ABCA3: variants seen among roughly 807,000 people sequenced by gnomAD.
The protein encoded by ABCA3 is phospholipid-transporting ATPase ABCA3.
A neutral mutation model predicts 172.8 loss-of-function variants in ABCA3; 88 were observed. The observed-to-expected ratio is 0.51, with a 90% CI of 0.43 to 0.61. The LOEUF is 0.61. ABCA3 is among the 20% of genes least tolerant of loss of function. ABCA3 has a pLI of 0.00. For missense variants in ABCA3, 2,164 were observed against 2,301.0 expected, an observed-to-expected ratio of 0.94 and a Z score of 1.22; for synonymous variants, 1,066 against 983.8, an observed-to-expected ratio of 1.08 and a Z score of -1.56.
At chr16:2,310,770 C>T (rs1018512539) in intron 10 of ABCA3, among the ~76,000 whole-genome samples, 7 of 152,108 alleles carry the variant, frequency 4.6e-5, no homozygotes, top group African/African-American at 1.7e-4. Context: ...ATCTGCCCAC[C>T]TTGGCCTCCC....
rs78857848 is a variant in ABCA3, at chr16:2,285,701, G to A, written c.3279-55C>T. 7 of 1,536,644 alleles carry A rather than the reference G, an allele frequency of 4.6e-6. No individual in the cohort carries two copies. Among genetic ancestry groups the A allele is most frequent in the East Asian group, 4.9e-5 (2 of 40,852 alleles). The stretch of plus-strand genomic sequence containing the variant: ...AGCACAGCACGTCTGGGTGGCAGGA[G>A]AGGTCGGGTTCTCGGTTATGACCGC... On this transcript the variant is annotated intron_variant, in intron 22 of 32. Coordinates refer to ENST00000301732, the MANE Select transcript of ABCA3 (RefSeq NM_001089.3). The surrounding 1 kb of genome is among the most constrained non-coding windows in gnomAD (Gnocchi z 4.7).
At chr16:2,332,171 T>C in intron 1 of ABCA3, 1 of 344,568 alleles carries the variant, frequency 2.9e-6, no homozygotes, top group Non-Finnish European at 5.3e-6. Flanking sequence ...TAACAAGCGC[T>C]GTGGCTCTTC....
In ABCA3 at chr16:2,281,280, C is replaced by T. The variant is rs1193637516; in HGVS notation, c.4165-59G>A. The T allele has an allele frequency of 1.2e-6, 2 of 1,613,018 alleles. No individual in the cohort carries two copies. Among genetic ancestry groups the T allele is most frequent in the African/African-American group, 1.3e-5 (1 of 74,912 alleles). On this transcript the variant is annotated intron_variant, in intron 27 of 32. Transcript: ENST00000301732. The surrounding 1 kb of genome is among the most constrained non-coding windows in gnomAD (Gnocchi z 4.7). ...AGGCCTGGACGCAAAGCAGAGCAGT[C>T]TGAGCCTCAGCGCCGAAAGCTTCCA... is the stretch of plus-strand genomic sequence containing the variant.
intron 15 of ABCA3, 116 bp from the exon 16 acceptor site, chr16:2,298,037 C>T: frequency 9.8e-7 from 1 of 1,025,560 alleles, no homozygotes; most frequent in Non-Finnish European, 1.4e-6. Context: ...ATGCAGGGCT[C>T]CTGGCGGGAG....
At chr16:2,331,948 C>A (rs1208512147) in intron 1 of ABCA3, among the ~76,000 whole-genome samples, 1 of 152,196 alleles carries the variant, frequency 6.6e-6, no homozygotes, top group East Asian at 1.9e-4. Flanking sequence ...TTTCCCCTCT[C>A]TATAAAAGGT....
intron 9 of ABCA3, 111 bp downstream of exon 9, chr16:2,317,537 G>C (rs1425885826): frequency 6.3e-7 from 1 of 1,581,098 alleles, no homozygotes; most frequent in African/African-American, 1.4e-5. Context: ...TCCCCCATGA[G>C]GGACAGACTC....
intron 8 of ABCA3, among the ~76,000 whole-genome samples, chr16:2,318,229 C>A (rs1194590568): frequency 6.6e-6 from 1 of 152,160 alleles, no homozygotes; most frequent in Non-Finnish European, 1.5e-5. Flanking sequence ...TTCCCTCAAC[C>A]TCCCCTACTC....
intron 10 of ABCA3, 22 bp downstream of exon 10, chr16:2,317,261 C>A (rs1245354141): frequency 6.2e-7 from 1 of 1,613,658 alleles, no homozygotes; most frequent in Non-Finnish European, 8.5e-7. Flanking sequence ...CAACCCCACT[C>A]TGCCCCATGA....
At chr16:2,300,260 G>C in intron 12 of ABCA3, 112 bp from the exon 13 acceptor site, 2 of 1,482,264 alleles carry the variant, frequency 1.3e-6, no homozygotes, top group Non-Finnish European at 9.3e-7. Flanking sequence ...AGGACTTCGA[G>C]GCACTGCTGT....
chr16:2,276,378 C>G lies in ABCA3; in HGVS notation c.*296G>C. 1.8e-6 allele frequency: 1 copy of G among 548,602 alleles called. No homozygotes were observed. Among genetic ancestry groups the G allele is most frequent in the South Asian group, 1.5e-5 (1 of 65,392 alleles). 34.0% of individuals were successfully genotyped at this position (548,602 alleles called of 1,614,324 possible). On this transcript the variant is annotated 3_prime_UTR_variant, in exon 33 of 33. Transcript: ENST00000301732. ...AACCCCCAGCTCAGCTGCAGCCCTT[C>G]CTGGGTCAGCTCTCCACCCAGAGAC...
rs535127001 is a variant in ABCA3 at position 2,309,670 on chromosome 16, TAC to T, written c.1112-1049_1112-1048del. ...TCCCCCTCTGTCACCTAGGCTGGAGTACAGTGGTGCCATCATGGCTCACTGCA... is the reference window on the plus strand; with the variant it reads ...TCCCCCTCTGTCACCTAGGCTGGAGTAGTGGTGCCATCATGGCTCACTGCA... On this transcript the variant is annotated intron_variant, in intron 10 of 32. Coordinates refer to ENST00000301732, the MANE Select transcript of ABCA3 (RefSeq NM_001089.3). Among the ~76,000 whole-genome samples the T allele has an allele frequency of 1.4e-4, 22 of 152,248 alleles. No homozygotes were observed. In the East Asian group the frequency reaches 4.0e-3, roughly 28 times the overall value.
chr16:2,324,436 A>AG lies in ABCA3; in HGVS notation c.414dup (p.Phe139LeufsTer62). 1 of 1,606,022 alleles carries AG rather than the reference A, an allele frequency of 6.2e-7. No homozygotes were observed. The highest frequency in any genetic ancestry group is 8.5e-7 in the Non-Finnish European group (1 of 1,179,034). On this transcript the variant is annotated frameshift_variant, in exon 6 of 33. Transcript: ENST00000301732. LOFTEE classifies it high-confidence loss of function. ...GGCAGGGGCTCCTTGCTGTGGTTGA[A>AG]GGGGTGCTCGAAGACCACGGCGGCC...
chr16:2,309,966 T>C (rs1410700373), intron 10 of ABCA3, among the ~76,000 whole-genome samples: 6 of 152,164 alleles, frequency 3.9e-5, no homozygotes, highest in African/African-American at 1.4e-4. Context: ...TAAAAATTAT[T>C]AACGACACCA....
intron 18 of ABCA3, among the ~76,000 whole-genome samples, chr16:2,293,734 G>C (rs537156453): frequency 6.6e-6 from 1 of 151,362 alleles, no homozygotes; most frequent in Admixed American, 6.6e-5. Flanking sequence ...GTAGAGATGG[G>C]GTTTCACCAT....
chr16:2,300,235 T>C (rs970464451), intron 12 of ABCA3, 87 bp from the exon 13 acceptor site: 160 of 1,577,314 alleles, frequency 1.0e-4, no homozygotes, highest in African/African-American at 3.0e-4. Context: ...CACACAGCCA[T>C]GCAGCCTCTG....
At chr16:2,326,520 T>C in intron 3 of ABCA3, 28 bp from the exon 4 acceptor site, 1 of 1,578,100 alleles carries the variant, frequency 6.3e-7, no homozygotes, top group Non-Finnish European at 8.6e-7. Context: ...ACAGAGAGTG[T>C]GGGTGCGCAA....
intron 28 of ABCA3, among the ~76,000 whole-genome samples, chr16:2,280,387 G>A (rs998015869): frequency 1.3e-5 from 2 of 152,208 alleles, no homozygotes; most frequent in African/African-American, 4.8e-5. Context: ...TGCATTGCCT[G>A]TAAGCCCTGG....
Position 2,297,251 on chromosome 16 carries a change from C to T in ABCA3, c.2263+78G>A. On this transcript the variant is annotated intron_variant, in intron 17 of 32. Coordinates refer to ENST00000301732, the MANE Select transcript of ABCA3 (RefSeq NM_001089.3). This position sits in a 1 kb window ranked among gnomAD's most constrained non-coding sequence, Gnocchi z 5.6. ...GCCACCCCTGCCTGATCTGAGGGCC[C>T]TTCATGAAGGTAGCAGCCATTCCCT... 2.6e-6 allele frequency: 4 copies of T among 1,527,236 alleles called. No homozygotes were observed. Among genetic ancestry groups the T allele is most frequent in the Non-Finnish European group, 3.6e-6 (4 of 1,120,096 alleles). The allele number at this position is 1,527,236 out of a possible 1,614,324, so 94.6% of individuals were successfully genotyped here.
chr16:2,339,451 T>C (rs1451661762), intron 1 of ABCA3: 6 of 152,242 alleles, frequency 3.9e-5, no homozygotes, highest in Non-Finnish European at 5.9e-5. Flanking sequence ...GAGATTCCCA[T>C]GACATCCATT....
Sources: allele counts gnomAD v4.1 joint callset (sites outside exome capture counted in the v4.1 genomes callset), GRCh38; gene constraint gnomAD v4.1.1; non-coding constraint Gnocchi (gnomAD v3.1); transcripts MANE v1.5; gene names NCBI Gene and HGNC (gene_info 2026-07-23, HGNC 2026-07-21).